Variants in NRXN3 observed in about 807,000 individuals in gnomAD.
NRXN3 encodes the protein neurexin III.
NRXN3 carries 32 observed loss-of-function variants against 137.6 expected under a neutral mutation model. That is an observed-to-expected ratio of 0.23 (90% CI 0.18 to 0.31). NRXN3 has a LOEUF of 0.31. Among genes scored for constraint, NRXN3 ranks in the 10% least tolerant of loss-of-function variants. NRXN3 has a pLI of 1.00. For synonymous variants in NRXN3, 798 were observed against 784.5 expected (o/e 1.02, Z -0.29); for missense variants, 1,574 against 2,062.5 (o/e 0.76, Z 4.59).
chr14:79,627,312 G>A (rs1433378939), intron 16 of NRXN3, among the ~76,000 whole-genome samples: 11 of 152,142 alleles, frequency 7.2e-5, no homozygotes, highest in Admixed American at 7.2e-4. Context: ...ATGGGGGCAT[G>A]GACTGAAACT....
At chr14:79,245,420 G>A (rs1435512697) in intron 15 of NRXN3, among the ~76,000 whole-genome samples, 3 of 151,730 alleles carry the variant, frequency 2.0e-5, no homozygotes, top group Non-Finnish European at 2.9e-5. Flanking sequence ...AGAGGAGTAG[G>A]GAGAGAGAGA....
At chr14:79,686,603 A>C (rs1463186187) in intron 17 of NRXN3, among the ~76,000 whole-genome samples, 1 of 152,156 alleles carries the variant, frequency 6.6e-6, no homozygotes, top group Non-Finnish European at 1.5e-5. Flanking sequence ...TTTTTAAAAA[A>C]ACAAAAAACA....
chr14:79,416,261 G>T (rs560252097), intron 15 of NRXN3, among the ~76,000 whole-genome samples: 3 of 152,028 alleles, frequency 2.0e-5, no homozygotes, highest in Non-Finnish European at 4.4e-5. Flanking sequence ...ATCTAATGTG[G>T]TTGATCAGCT....
Position 78,702,451 on chromosome 14 carries a change from C to CTTTTCTTTTTTTTTTTTTTTTTTTTTTTT in NRXN3, c.1222-6764_1222-6763insTTCTTTTTTTTTTTTTTTTTTTTTTTTTT, listed in dbSNP as rs151197180. Among the ~76,000 whole-genome samples, 11 of 122,680 alleles carry CTTTTCTTTTTTTTTTTTTTTTTTTTTTTT rather than the reference C, an allele frequency of 9.0e-5. 2 individuals carry two copies. The highest frequency in any genetic ancestry group is 1.2e-4 in the Non-Finnish European group (7 of 59,974). 80.5% of individuals were successfully genotyped at this position (122,680 alleles called of 152,430 possible). A position where few individuals can be genotyped will look rare whatever the true frequency, so the allele number is the denominator to read the frequency against. Reference sequence around the variant, plus strand: ...AAGAGAGAATCTTTCTTTTTCTTTTCTTATTTTTTTTGAGATGGAGTCTCA... The same window carrying CTTTTCTTTTTTTTTTTTTTTTTTTTTTTT: ...AAGAGAGAATCTTTCTTTTTCTTTTCTTTTCTTTTTTTTTTTTTTTTTTTTTTTTTTATTTTTTTTGAGATGGAGTCTCA... On this transcript the variant is annotated intron_variant, in intron 6 of 20. Coordinates refer to ENST00000335750, the MANE Select transcript of NRXN3 (RefSeq NM_001330195.2).
intron 6 of NRXN3, among the ~76,000 whole-genome samples, chr14:78,702,508 G>A (rs10150558): frequency 0.15 from 21,108 of 142,500 alleles, 2,230 homozygotes; most frequent in African/African-American, 0.31. Flanking sequence ...GTAGTGGTGC[G>A]ATATCAGCTC....
chr14:78,586,438 A>C (rs1432880279), intron 4 of NRXN3, among the ~76,000 whole-genome samples: 2 of 152,202 alleles, frequency 1.3e-5, no homozygotes, highest in East Asian at 3.8e-4. Context: ...CCCCATAAGG[A>C]CGGTAGTAGC....
chr14:79,033,882 T>A (rs754917497), intron 15 of NRXN3, among the ~76,000 whole-genome samples: 1 of 152,112 alleles, frequency 6.6e-6, no homozygotes, highest in Non-Finnish European at 1.5e-5. Context: ...CCATCACAAG[T>A]TGAAGCCATT....
intron 19 of NRXN3, among the ~76,000 whole-genome samples, chr14:79,706,699 C>T (rs907368066): frequency 9.9e-5 from 15 of 152,012 alleles, no homozygotes; most frequent in East Asian, 5.8e-4. Flanking sequence ...AGCTGCTCTC[C>T]GATAAATTAA....
chr14:79,278,449 C>T (rs2080669115), intron 15 of NRXN3, among the ~76,000 whole-genome samples: 1 of 152,194 alleles, frequency 6.6e-6, no homozygotes, highest in Non-Finnish European at 1.5e-5. Flanking sequence ...ACAGGTGCTG[C>T]CATTCTGGCT....
intron 10 of NRXN3, among the ~76,000 whole-genome samples, chr14:78,885,206 TATATA>T (rs1193328974): frequency 1.3e-5 from 2 of 149,042 alleles, no homozygotes; most frequent in African/African-American, 2.4e-5. Context: ...GTATGTAAAA[TATATA>T]AATATAAATT....
chr14:79,112,798 T>C (rs1353567088), intron 15 of NRXN3, among the ~76,000 whole-genome samples: 1 of 152,160 alleles, frequency 6.6e-6, no homozygotes, highest in Non-Finnish European at 1.5e-5. Context: ...GGCCAAGATA[T>C]GTAGTGGTAG....
rs539038229 is a variant in NRXN3 at position 78,205,984 on chromosome 14, G to C, written c.-704+35310G>C. Among the ~76,000 whole-genome samples the C allele has an allele frequency of 3.9e-5, 6 of 152,314 alleles. No individual in the cohort carries two copies. The South Asian group carries it at 1.2e-3, about 32-fold the overall frequency. On this transcript the variant is annotated intron_variant, in intron 1 of 20. Coordinates refer to ENST00000335750, the MANE Select transcript of NRXN3 (RefSeq NM_001330195.2). The stretch of plus-strand genomic sequence containing the variant: ...AAAGGGGTAGGCAGGCAGAAGGGAA[G>C]AGTTTGTATTGAGCAATTGGGAGGT...
intron 15 of NRXN3, among the ~76,000 whole-genome samples, chr14:79,151,416 G>T (rs983960146): frequency 1.3e-5 from 2 of 152,042 alleles, no homozygotes; most frequent in Non-Finnish European, 2.9e-5. Context: ...GTATGGCAGG[G>T]AGCATCTTTG....
chr14:79,843,654 G>A (rs2099360932), intron 20 of NRXN3, among the ~76,000 whole-genome samples: 2 of 152,250 alleles, frequency 1.3e-5, no homozygotes, highest in Admixed American at 1.3e-4. Context: ...TAAATATTTT[G>A]TCATTTCAGC....
At chr14:79,532,684 C>T (rs1345974) in intron 16 of NRXN3, among the ~76,000 whole-genome samples, 6 of 152,070 alleles carry the variant, frequency 3.9e-5, no homozygotes, top group African/African-American at 1.4e-4. Flanking sequence ...AATATAACCA[C>T]CCCTACACTC....
intron 11 of NRXN3, among the ~76,000 whole-genome samples, chr14:78,958,618 G>T (rs1198896903): frequency 1.3e-5 from 2 of 152,166 alleles, no homozygotes; most frequent in African/African-American, 2.4e-5. Flanking sequence ...GCCTCCCAAA[G>T]TGCTGGGATT....
At chr14:79,611,780 C>A (rs981625291) in intron 16 of NRXN3, 1 of 152,174 alleles carries the variant, frequency 6.6e-6, no homozygotes, top group African/African-American at 2.4e-5. Context: ...TGTATGGAAT[C>A]CTGGCTCCAC....
At chr14:78,524,854 T>C (rs1205634097) in intron 4 of NRXN3, among the ~76,000 whole-genome samples, 1 of 152,136 alleles carries the variant, frequency 6.6e-6, no homozygotes, top group Non-Finnish European at 1.5e-5. Context: ...TAACCTGAGA[T>C]GGTGGGCAAG....
At chr14:78,405,722 C>T (rs533356516) in intron 4 of NRXN3, among the ~76,000 whole-genome samples, 43 of 152,212 alleles carry the variant, frequency 2.8e-4, no homozygotes, top group African/African-American at 9.9e-4. Context: ...CGACCTGGCT[C>T]AGCTAATATT....
Sources: allele counts gnomAD v4.1 joint callset (sites outside exome capture counted in the v4.1 genomes callset), GRCh38; gene constraint gnomAD v4.1.1; transcripts MANE v1.5; gene names NCBI Gene and HGNC (gene_info 2026-07-23, HGNC 2026-07-21).